Variants in SCLT1 observed in about 807,000 individuals in gnomAD.
The protein encoded by SCLT1 is sodium channel-associated protein 1.
Under a neutral mutation model 112.8 loss-of-function variants are expected in SCLT1, and 78 were observed. The observed-to-expected ratio is 0.69, with a 90% confidence interval of 0.58 to 0.83. The LOEUF is 0.83. SCLT1 is among the 40% of genes least tolerant of loss of function. The probability of loss-of-function intolerance (pLI) is 0.00; values close to 1 mark genes in which losing one functional copy is unlikely to be tolerated. For synonymous variants in SCLT1, 257 were observed against 254.7 expected, an observed-to-expected ratio of 1.01 and a Z score of -0.09; for missense variants, 747 against 770.4, an observed-to-expected ratio of 0.97 and a Z score of 0.36.
intron 4 of SCLT1, 45 bp downstream of exon 4, chr4:129,043,350 T>C (rs756439460): frequency 9.9e-7 from 1 of 1,007,636 alleles, no homozygotes; most frequent in East Asian, 2.4e-5. Flanking sequence ...ACTTTTTATT[T>C]TCATAATAAA....
At chr4:128,959,269 A>G (rs1739474839) in intron 12 of SCLT1, among the ~76,000 whole-genome samples, 1 of 152,166 alleles carries the variant, frequency 6.6e-6, no homozygotes, top group African/African-American at 2.4e-5. Flanking sequence ...ATCAGATTCA[A>G]CTGAATAAAA....
chr4:128,982,074 A>C (rs575850692), intron 9 of SCLT1, among the ~76,000 whole-genome samples: 12 of 152,336 alleles, frequency 7.9e-5, no homozygotes, highest in Non-Finnish European at 1.3e-4. Context: ...TTGGGACAGA[A>C]AAGAATTTAT....
intron 2 of SCLT1, among the ~76,000 whole-genome samples, chr4:129,057,950 C>T (rs1339535858): frequency 2.6e-5 from 4 of 152,024 alleles, no homozygotes; most frequent in Non-Finnish European, 4.4e-5. Context: ...CGGGGTTTCA[C>T]CATGTTGGCC....
chr4:129,048,295 A>T (rs1748391735), intron 2 of SCLT1, among the ~76,000 whole-genome samples: 2 of 152,160 alleles, frequency 1.3e-5, no homozygotes, highest in Admixed American at 1.3e-4. Context: ...AGATCAATGG[A>T]ACAGAACAGA....
chr4:128,898,914 G>A (rs1271393653), intron 18 of SCLT1, among the ~76,000 whole-genome samples: 1 of 152,130 alleles, frequency 6.6e-6, no homozygotes, highest in Non-Finnish European at 1.5e-5. Flanking sequence ...AAATAAACTA[G>A]AAAATCTAGA....
intron 18 of SCLT1, among the ~76,000 whole-genome samples, chr4:128,899,804 G>A (rs185854665): frequency 0.015 from 2,226 of 152,272 alleles, 50 homozygotes; most frequent in African/African-American, 0.05. Context: ...ATCTCCTTAA[G>A]CTGATAGGCA....
chr4:128,897,281 G>T (rs528976160), intron 18 of SCLT1, among the ~76,000 whole-genome samples: 1 of 151,986 alleles, frequency 6.6e-6, no homozygotes, highest in African/African-American at 2.4e-5. Flanking sequence ...GAGAAAGATC[G>T]GGTTACCCAC....
chr4:128,971,594 T>G (rs974061198), intron 9 of SCLT1: 1 of 152,172 alleles, frequency 6.6e-6, no homozygotes, highest in Admixed American at 6.5e-5. Flanking sequence ...TGCCCTAGGA[T>G]TCACAATACG....
intron 2 of SCLT1, among the ~76,000 whole-genome samples, chr4:129,045,819 T>A (rs1488826557): frequency 6.6e-6 from 1 of 152,086 alleles, no homozygotes; most frequent in Non-Finnish European, 1.5e-5. Context: ...TTTAACATCT[T>A]ACTCTGTAAA....
At chr4:129,054,076 C>T (rs939839548) in intron 2 of SCLT1, among the ~76,000 whole-genome samples, 2 of 152,068 alleles carry the variant, frequency 1.3e-5, no homozygotes, top group Non-Finnish European at 2.9e-5. Context: ...GGATATTGGC[C>T]CCCACTCTCT....
intron 18 of SCLT1, among the ~76,000 whole-genome samples, chr4:128,897,751 C>A (rs1430410274): frequency 1.3e-5 from 2 of 152,174 alleles, no homozygotes; most frequent in African/African-American, 4.8e-5. Flanking sequence ...AGTCAAGACA[C>A]ATCAGTGTGC....
intron 14 of SCLT1, 108 bp downstream of exon 14, chr4:128,952,661 G>C: frequency 1.3e-6 from 1 of 747,260 alleles, no homozygotes; most frequent in Non-Finnish European, 2.4e-6. Flanking sequence ...ACCTAGCCAG[G>C]GCTTGGTTTA....
intron 13 of SCLT1, among the ~76,000 whole-genome samples, chr4:128,953,434 G>A (rs1285710753): frequency 6.6e-6 from 1 of 152,190 alleles, no homozygotes; most frequent in Non-Finnish European, 1.5e-5. Context: ...GAAAAAGGCA[G>A]ATGATGTCTT....
intron 5 of SCLT1, among the ~76,000 whole-genome samples, chr4:129,013,656 G>A (rs532401453): frequency 6.6e-6 from 1 of 152,114 alleles, no homozygotes; most frequent in Non-Finnish European, 1.5e-5. Flanking sequence ...GGCTTGTAGG[G>A]TTTCTGCTGA....
At chr4:129,057,470 G>A (rs893634880) in intron 2 of SCLT1, among the ~76,000 whole-genome samples, 11 of 146,746 alleles carry the variant, frequency 7.5e-5, no homozygotes, top group Admixed American at 1.4e-4. Context: ...ACAGGCGTGC[G>A]CCATCATGCC....
chr4:129,024,926 A>T (rs1745888490), intron 5 of SCLT1, among the ~76,000 whole-genome samples: 2 of 152,202 alleles, frequency 1.3e-5, no homozygotes, highest in African/African-American at 4.8e-5. Flanking sequence ...AGCCGATGCG[A>T]TCAACTGGAA....
intron 5 of SCLT1, among the ~76,000 whole-genome samples, chr4:129,030,748 G>A (rs1746637441): frequency 6.6e-6 from 1 of 152,044 alleles, no homozygotes; most frequent in Non-Finnish European, 1.5e-5. Context: ...ACCCTCCCAA[G>A]ACTAAACCAG....
In SCLT1 at chr4:128,875,279, T is replaced by C. The variant is rs899769844; in HGVS notation, n.356-813A>G. On this transcript the variant is annotated intron_variant and non_coding_transcript_variant, in intron 4 of 7. Transcript: ENST00000503565. The stretch of plus-strand genomic sequence containing the variant: ...CTAAATATTTAAAGGTATATATGAC[T>C]TAGCAGTCCTGAATCAGTTGTTTAC... 9.8e-5 allele frequency: 15 copies of C among 152,794 alleles called. No homozygotes were observed. In the East Asian group the frequency reaches 2.7e-3, roughly 28 times the overall value. The allele number at this position is 152,794 out of a possible 1,614,324, so 9.5% of individuals were successfully genotyped here.
At chr4:129,042,430 G>A (rs2125697243) in intron 4 of SCLT1, among the ~76,000 whole-genome samples, 1 of 152,014 alleles carries the variant, frequency 6.6e-6, no homozygotes, top group East Asian at 1.9e-4. Context: ...ATAAGCCCTG[G>A]GACCCAAAAT....
Sources: allele counts gnomAD v4.1 joint callset (sites outside exome capture counted in the v4.1 genomes callset), GRCh38; gene constraint gnomAD v4.1.1; transcripts MANE v1.5; gene names NCBI Gene and HGNC (gene_info 2026-07-23, HGNC 2026-07-21).